Variants in MIS18BP1 observed in about 807,000 individuals in gnomAD.
The protein encoded by MIS18BP1 is MIS18 binding protein 1.
In MIS18BP1, 72 loss-of-function variants were observed where a neutral mutation model predicts 116.1. The ratio of observed to expected loss-of-function variants is 0.62; its 90% CI spans 0.51 to 0.75. The LOEUF is 0.75. Among genes scored for constraint, MIS18BP1 ranks in the 30% least tolerant of loss-of-function variants. MIS18BP1 has a pLI of 0.00. For synonymous variants in MIS18BP1, 386 were observed against 427.0 expected, an observed-to-expected ratio of 0.90 and a Z score of 1.18; for missense variants, 1,363 against 1,303.2, an observed-to-expected ratio of 1.05 and a Z score of -0.71.
At chr14:45,239,116 A>G (rs1156590361) in intron 4 of MIS18BP1, among the ~76,000 whole-genome samples, 1 of 152,158 alleles carries the variant, frequency 6.6e-6, no homozygotes, top group African/African-American at 2.4e-5. Flanking sequence ...CTGCTTATAT[A>G]AGATATCAAA....
At chr14:45,206,654 T>C (rs1382075760) in intron 14 of MIS18BP1, among the ~76,000 whole-genome samples, 2 of 152,188 alleles carry the variant, frequency 1.3e-5, no homozygotes, top group South Asian at 2.1e-4. Context: ...AAAATGTGCC[T>C]ATGGAGATGG....
Position 45,237,694 on chromosome 14 carries a change from T to C in MIS18BP1, c.1171A>G (p.Lys391Glu). 2 of 1,603,220 alleles carry C rather than the reference T, an allele frequency of 1.2e-6. No individual in the cohort carries two copies. Among genetic ancestry groups the C allele is most frequent in the Non-Finnish European group, 1.7e-6 (2 of 1,176,240 alleles). ...QVVQLQEWMI[K>E]SINNNTAICV... ...ATAGCAGTATTATTATTGATGCTTT[T>C]AATCATCCATTCCTGTAGCTGAACT... The change falls in exon 5 of 17, where the codon AAA becomes GAA. Residue 391 changes from lysine (K) to glutamate (E), a missense_variant. Lys to Glu is a moderately conservative substitution (Grantham distance 56). Transcript: ENST00000310806.
At chr14:45,242,587 A>C in intron 3 of MIS18BP1, 69 bp from the exon 4 acceptor site, 1 of 1,509,084 alleles carries the variant, frequency 6.6e-7, no homozygotes, top group Non-Finnish European at 8.8e-7. Flanking sequence ...AAAAGAGATA[A>C]ATTTAGGTTA....
At chr14:45,246,537 T>C (rs907099416) in intron 2 of MIS18BP1, among the ~76,000 whole-genome samples, 6 of 152,202 alleles carry the variant, frequency 3.9e-5, no homozygotes, top group African/African-American at 1.2e-4. Flanking sequence ...TGCTTTTTCC[T>C]CTTTCCACTT....
intron 14 of MIS18BP1, among the ~76,000 whole-genome samples, chr14:45,209,255 C>T (rs1401701850): frequency 6.6e-6 from 1 of 152,074 alleles, no homozygotes; most frequent in Non-Finnish European, 1.5e-5. Flanking sequence ...GTATATTATT[C>T]ACTGCATCTA....
At chr14:45,219,911 T>C (rs541463633) in intron 11 of MIS18BP1, among the ~76,000 whole-genome samples, 3 of 152,330 alleles carry the variant, frequency 2.0e-5, no homozygotes, top group African/African-American at 7.2e-5. Flanking sequence ...CTCTAGGTTA[T>C]TCCAGATAAT....
chr14:45,226,389 A>T (rs1166713082), intron 10 of MIS18BP1, among the ~76,000 whole-genome samples: 1 of 152,222 alleles, frequency 6.6e-6, no homozygotes, highest in Non-Finnish European at 1.5e-5. Flanking sequence ...GATTCCAATT[A>T]AATCACTCTG....
At chr14:45,211,475 A>T (rs190453520) in intron 13 of MIS18BP1, among the ~76,000 whole-genome samples, 1 of 152,316 alleles carries the variant, frequency 6.6e-6, no homozygotes, top group Non-Finnish European at 1.5e-5. Flanking sequence ...CCTCTCCTGC[A>T]TTCCAAATCA....
chr14:45,208,905 C>A (rs910005563), intron 14 of MIS18BP1, among the ~76,000 whole-genome samples: 2 of 152,130 alleles, frequency 1.3e-5, no homozygotes, highest in Admixed American at 6.6e-5. Context: ...CAGCAATGGC[C>A]TCTTACTTGC....
At chr14:45,220,665 T>C (rs1391243091) in intron 11 of MIS18BP1, among the ~76,000 whole-genome samples, 4 of 152,218 alleles carry the variant, frequency 2.6e-5, no homozygotes, top group East Asian at 1.9e-4. Context: ...TATGTATCAA[T>C]AGTTCTTCCT....
intron 1 of MIS18BP1, chr14:45,249,969 T>C (rs1383720006): frequency 6.6e-6 from 1 of 152,180 alleles, no homozygotes. Context: ...CAGAGCCTAA[T>C]GAAATGCTAA....
In MIS18BP1 at chr14:45,224,291, G is replaced by A. The variant is rs1230804389; in HGVS notation, c.2296C>T (p.Gln766Ter). 6.2e-7 allele frequency: 1 copy of A among 1,613,758 alleles called. No homozygotes were observed. The highest frequency in any genetic ancestry group is 8.5e-7 in the Non-Finnish European group (1 of 1,179,880). ...TCACTTGACAAATCTGGTGAGGACT[G>A]ATGCTTATAAAATGACATAGCTACC... ...NQVAMSFYKHQSSPDLSSEES... is the reference protein window; with the variant it reads ...NQVAMSFYKH Residue 766 changes from glutamine to a stop codon, truncating the protein, a stop_gained, in exon 11 of 17, where the codon CAG becomes TAG. Transcript: ENST00000310806. LOFTEE classifies it high-confidence loss of function.
intron 14 of MIS18BP1, 141 bp from the exon 15 acceptor site, chr14:45,206,311 G>C (rs1890516322): frequency 8.0e-6 from 5 of 621,188 alleles, no homozygotes; most frequent in Non-Finnish European, 1.1e-5. Flanking sequence ...TTTTGAAACA[G>C]GGTCTCACTC....
At chr14:45,245,241 G>A (rs1891692791) in intron 2 of MIS18BP1, among the ~76,000 whole-genome samples, 1 of 152,098 alleles carries the variant, frequency 6.6e-6, no homozygotes, top group Non-Finnish European at 1.5e-5. Flanking sequence ...GACCAATTAG[G>A]AGCATTAGAC....
At chr14:45,236,037 A>G in intron 5 of MIS18BP1, 93 bp from the exon 6 acceptor site, 1 of 1,128,960 alleles carries the variant, frequency 8.9e-7, no homozygotes, top group Admixed American at 2.6e-5. Context: ...AGCAACACTA[A>G]GAATGTTATT....
At chr14:45,223,861 C>T in intron 11 of MIS18BP1, 57 bp downstream of exon 11, 2 of 1,302,042 alleles carry the variant, frequency 1.5e-6, no homozygotes, top group Non-Finnish European at 2.1e-6. Flanking sequence ...ATTTTTATGT[C>T]TTTAACTGTC....
At chr14:45,240,211 G>T (rs1278409754) in intron 4 of MIS18BP1, among the ~76,000 whole-genome samples, 1 of 152,024 alleles carries the variant, frequency 6.6e-6, no homozygotes, top group Admixed American at 6.5e-5. Context: ...GGGCTGATCT[G>T]CAGTAATTCC....
At chr14:45,227,115 C>G (rs1297876147) in intron 9 of MIS18BP1, among the ~76,000 whole-genome samples, 1 of 152,120 alleles carries the variant, frequency 6.6e-6, no homozygotes, top group African/African-American at 2.4e-5. Flanking sequence ...ACTCTAAAAG[C>G]TAAAACTTTT....
chr14:45,224,527 T>G lies in MIS18BP1; in HGVS notation c.2060A>C (p.Gln687Pro), dbSNP rs1891071430. The G allele has an allele frequency of 6.2e-7, 1 of 1,611,808 alleles. No homozygotes were observed. The highest frequency in any genetic ancestry group is 8.5e-7 in the Non-Finnish European group (1 of 1,179,370). Residue 687 changes from glutamine to proline, a missense_variant, in exon 11 of 17, where the codon CAA (glutamine) becomes CCA (proline). Gln to Pro is a moderately conservative substitution (Grantham distance 76, BLOSUM62 -1). Transcript: ENST00000310806. ...GGACTTGCTGATGGGACTTTTTTTT[T>G]GACACTCTGGTATTACAAAATCTGT... ...AVTDFVIPEC[Q>P]KKSPISKSMG...
Sources: gnomAD v4.1 joint callset for allele counts (sites outside exome capture counted in the v4.1 genomes callset) on GRCh38, gnomAD v4.1.1 for gene constraint, MANE v1.5 for transcripts, NCBI Gene and HGNC (gene_info 2026-07-23, HGNC 2026-07-21) for gene names.